JARID2: variants seen among roughly 807,000 people sequenced by gnomAD.
JARID2 encodes the protein jumonji and AT-rich interaction domain containing 2, also known as protein Jumonji.
Under a neutral mutation model 125.6 loss-of-function variants are expected in JARID2, and 21 were observed. That is an observed-to-expected ratio of 0.17 (90% CI 0.12 to 0.24). The LOEUF (loss-of-function observed/expected upper bound fraction) is 0.24, where lower values mean the gene tolerates loss of function less well. Among genes scored for constraint, JARID2 ranks in the 10% least tolerant of loss-of-function variants. JARID2 has a pLI of 1.00. For synonymous variants in JARID2, 736 were observed against 661.6 expected (o/e 1.11, Z -1.73); for missense variants, 1,303 against 1,639.6 (o/e 0.79, Z 3.55).
rs559115979 is a variant in JARID2, at chr6:15,339,480, C to T, written c.46-34637C>T. 5.9e-5 allele frequency among the ~76,000 whole-genome samples: 9 copies of T among 151,938 alleles called. No individual in the cohort carries two copies. The South Asian group carries it at 1.2e-3, about 21-fold the overall frequency. On this transcript the variant is annotated intron_variant, in intron 1 of 17. Coordinates refer to ENST00000341776, the MANE Select transcript of JARID2 (RefSeq NM_004973.4). ...AAGATGCAGGTATTCCCAGGGTGCA[C>T]CTCTTAACTGCTAAAGATAGGGCAA...
Position 15,282,591 on chromosome 6 carries a change from CCT to C in JARID2, c.45+36012_45+36013del, listed in dbSNP as rs1452556353. On this transcript the variant is annotated intron_variant, in intron 1 of 17. Transcript: ENST00000341776. ...CTTTCTCTTTTGTCTCTCCCCCTCT[CCT>C]CTCTTTCTTCCTCTTCTCTTCTCTT... Among the ~76,000 whole-genome samples, 5 of 149,584 alleles carry C rather than the reference CCT, an allele frequency of 3.3e-5. No homozygotes were observed. In the South Asian group the frequency reaches 1.1e-3, roughly 33 times the overall value.
At chr6:15,339,646 C>G (rs965971500) in intron 1 of JARID2, among the ~76,000 whole-genome samples, 1 of 152,028 alleles carries the variant, frequency 6.6e-6, no homozygotes, top group Non-Finnish European at 1.5e-5. Flanking sequence ...AGCGATTCTC[C>G]TGCCTCAGCC....
At chr6:15,473,357 C>T (rs1408789641) in intron 5 of JARID2, among the ~76,000 whole-genome samples, 2 of 152,114 alleles carry the variant, frequency 1.3e-5, no homozygotes, top group African/African-American at 2.4e-5. Flanking sequence ...GAGATGATGT[C>T]TCCTGGCACA....
chr6:15,422,328 T>C (rs1766532486), intron 3 of JARID2, among the ~76,000 whole-genome samples: 1 of 152,232 alleles, frequency 6.6e-6, no homozygotes, highest in Non-Finnish European at 1.5e-5. Flanking sequence ...TGCTTGCTTG[T>C]GCATATTCAC....
chr6:15,470,467 G>C (rs1322121713), intron 5 of JARID2, among the ~76,000 whole-genome samples: 1 of 152,234 alleles, frequency 6.6e-6, no homozygotes, highest in Non-Finnish European at 1.5e-5. Context: ...CTCAGGACAA[G>C]CATAGCTTAG....
chr6:15,387,398 C>G (rs902289733), intron 2 of JARID2, among the ~76,000 whole-genome samples: 5 of 152,102 alleles, frequency 3.3e-5, no homozygotes, highest in African/African-American at 1.2e-4. Context: ...TCTGTAAGTC[C>G]AAGATCAAGG....
chr6:15,401,898 G>GTTTTT (rs34203284), intron 2 of JARID2, among the ~76,000 whole-genome samples: 1 of 126,470 alleles, frequency 7.9e-6, no homozygotes, highest in Non-Finnish European at 1.7e-5. Context: ...GTTGTCAGCA[G>GTTTTT]TTTTTTTTTT....
chr6:15,413,016 T>G (rs560289917), intron 3 of JARID2, among the ~76,000 whole-genome samples: 20 of 93,640 alleles, frequency 2.1e-4, no homozygotes, highest in African/African-American at 5.9e-4. Flanking sequence ...TTGTTTTTTT[T>G]TTTTTTGTTT....
chr6:15,474,971 A>T (rs994180631), intron 5 of JARID2, among the ~76,000 whole-genome samples: 1 of 152,216 alleles, frequency 6.6e-6, no homozygotes, highest in African/African-American at 2.4e-5. Flanking sequence ...CCCGGTTGAC[A>T]CCAGTCGTTT....
At chr6:15,268,488 G>A (rs771758648) in intron 1 of JARID2, among the ~76,000 whole-genome samples, 3 of 152,246 alleles carry the variant, frequency 2.0e-5, no homozygotes, top group Non-Finnish European at 4.4e-5. Flanking sequence ...TAAAGGAACA[G>A]CTAAGAAGTG....
At chr6:15,303,478 CCT>C (rs1220756735) in intron 1 of JARID2, among the ~76,000 whole-genome samples, 2 of 152,246 alleles carry the variant, frequency 1.3e-5, no homozygotes, top group African/African-American at 4.8e-5. Context: ...TAACTCCTGG[CCT>C]TCCCTCTTTG....
chr6:15,477,095 G>A (rs1228813629), intron 5 of JARID2, among the ~76,000 whole-genome samples: 1 of 152,086 alleles, frequency 6.6e-6, no homozygotes, highest in Non-Finnish European at 1.5e-5. Context: ...TTCTGAAGAG[G>A]GATGTTTCTC....
At chr6:15,382,959 A>T (rs1185540782) in intron 2 of JARID2, among the ~76,000 whole-genome samples, 1 of 152,130 alleles carries the variant, frequency 6.6e-6, no homozygotes, top group Non-Finnish European at 1.5e-5. Context: ...CACAGCACTC[A>T]GGTAGTGTCA....
At chr6:15,389,411 G>T (rs1272452601) in intron 2 of JARID2, among the ~76,000 whole-genome samples, 1 of 152,210 alleles carries the variant, frequency 6.6e-6, no homozygotes, top group Admixed American at 6.5e-5. Context: ...TCCATCCCAT[G>T]TGATTGGGGT....
chr6:15,280,056 C>T (rs1197448996), intron 1 of JARID2, among the ~76,000 whole-genome samples: 1 of 152,082 alleles, frequency 6.6e-6, no homozygotes, highest in African/African-American at 2.4e-5. Flanking sequence ...AAATTAACAC[C>T]TGGTCGTATG....
At chr6:15,351,013 G>A (rs77073999) in intron 1 of JARID2, among the ~76,000 whole-genome samples, 1 of 150,622 alleles carries the variant, frequency 6.6e-6, no homozygotes, top group South Asian at 2.1e-4. Context: ...AAAAAAAAAA[G>A]CAGATATCTT....
chr6:15,284,731 C>A (rs1239711834), intron 1 of JARID2, among the ~76,000 whole-genome samples: 8 of 152,134 alleles, frequency 5.3e-5, no homozygotes, highest in Non-Finnish European at 1.2e-4. Flanking sequence ...AGGTGATCCA[C>A]CCACCTCAGC....
chr6:15,336,064 G>C (rs1164582806), intron 1 of JARID2, among the ~76,000 whole-genome samples: 1 of 151,696 alleles, frequency 6.6e-6, no homozygotes, highest in Non-Finnish European at 1.5e-5. Flanking sequence ...CAGTCTGGGT[G>C]ACAGAGACCC....
intron 1 of JARID2, among the ~76,000 whole-genome samples, chr6:15,304,602 C>T (rs1239431240): frequency 1.3e-5 from 2 of 152,086 alleles, no homozygotes; most frequent in African/African-American, 4.8e-5. Context: ...CTTTCCCCCT[C>T]TAACCCTTTA....
Sources: gnomAD v4.1 joint callset for allele counts (sites outside exome capture counted in the v4.1 genomes callset) on GRCh38, gnomAD v4.1.1 for gene constraint, MANE v1.5 for transcripts, NCBI Gene and HGNC (gene_info 2026-07-23, HGNC 2026-07-21) for gene names.